The following GNPTAB variants were observed in gnomAD, a reference collection of about 807,000 sequenced individuals.
GNPTAB encodes N-acetylglucosamine-1-phosphate transferase subunits alpha and beta.
In GNPTAB, 92 loss-of-function variants were observed where a neutral mutation model predicts 136.6. That is an observed-to-expected ratio of 0.67 (90% CI 0.57 to 0.80). The LOEUF (loss-of-function observed/expected upper bound fraction) is 0.80, where lower values mean the gene tolerates loss of function less well. Among genes scored for constraint, GNPTAB ranks in the 30% least tolerant of loss-of-function variants. The pLI, the probability that GNPTAB is intolerant of heterozygous loss-of-function variation, is 0.00. For synonymous variants in GNPTAB, 512 were observed against 535.1 expected (o/e 0.96, Z 0.60); for missense variants, 1,343 against 1,501.8 (o/e 0.89, Z 1.75).
intron 1 of GNPTAB, chr12:101,810,420 TATACACACAC>T (rs1465011155): frequency 9.4e-6 from 1 of 106,554 alleles, no homozygotes; most frequent in South Asian, 2.9e-4. Flanking sequence ...TATATATATA[TATACACACAC>T]ATACACACAC....
chr12:101,810,730 T>A (rs1870184875), intron 1 of GNPTAB: 1 of 151,388 alleles, frequency 6.6e-6, no homozygotes, highest in African/African-American at 2.4e-5. Flanking sequence ...CTAAAAGTAT[T>A]ATTTAAAAAA....
chr12:101,747,151 A>C lies in GNPTAB; in HGVS notation c.*13T>G, dbSNP rs1349053717. On this transcript the variant is annotated 3_prime_UTR_variant, in exon 21 of 21. Transcript: ENST00000299314. Reference sequence around the variant, plus strand: ...GTAAATGCTGAGGTAGATGGTTTTCAAATGAAGATCTTCTATACTCTGATT... The same window carrying C: ...GTAAATGCTGAGGTAGATGGTTTTCCAATGAAGATCTTCTATACTCTGATT... The C allele has an allele frequency of 6.8e-7, 1 of 1,464,446 alleles. No individual in the cohort carries two copies. Among genetic ancestry groups the C allele is most frequent in the African/African-American group, 1.4e-5 (1 of 71,920 alleles). The allele number at this position is 1,464,446 out of a possible 1,614,324, so 90.7% of individuals were successfully genotyped here. A position where few individuals can be genotyped will look rare whatever the true frequency, so the allele number is the denominator to read the frequency against.
intron 7 of GNPTAB, among the ~76,000 whole-genome samples, chr12:101,773,980 C>T (rs1953222140): frequency 6.6e-6 from 1 of 152,180 alleles, no homozygotes; most frequent in South Asian, 2.1e-4. Context: ...TCCCTACAGA[C>T]CCACAGTGAA....
chr12:101,790,195 G>A (rs1868902646), intron 2 of GNPTAB, 138 bp from the exon 3 acceptor site: 2 of 1,168,434 alleles, frequency 1.7e-6, no homozygotes, highest in East Asian at 2.5e-5. Flanking sequence ...TATTATCACA[G>A]AACTGCATGT....
chr12:101,798,527 CA>C (rs1869429814), intron 1 of GNPTAB, among the ~76,000 whole-genome samples: 1 of 152,162 alleles, frequency 6.6e-6, no homozygotes, highest in Non-Finnish European at 1.5e-5. Flanking sequence ...AGAACTTACA[CA>C]AATCTATTAT....
chr12:101,829,298 A>C (rs1871253128), intron 1 of GNPTAB, among the ~76,000 whole-genome samples: 1 of 152,220 alleles, frequency 6.6e-6, no homozygotes, highest in Non-Finnish European at 1.5e-5. Context: ...CAGCCTGGCC[A>C]ACATAGTGAA....
chr12:101,783,882 T>C (rs917292880), intron 5 of GNPTAB, among the ~76,000 whole-genome samples: 1 of 151,834 alleles, frequency 6.6e-6, no homozygotes, highest in African/African-American at 2.4e-5. Context: ...GCCAGACTAA[T>C]TTTTGTTTTT....
intron 1 of GNPTAB, among the ~76,000 whole-genome samples, chr12:101,803,389 C>T (rs554597337): frequency 2.8e-4 from 42 of 152,304 alleles, no homozygotes; most frequent in African/African-American, 8.4e-4. Context: ...TTGCCAGCAG[C>T]ATTTCTAATC....
At chr12:101,826,969 T>C (rs1013405034) in intron 1 of GNPTAB, among the ~76,000 whole-genome samples, 14 of 142,228 alleles carry the variant, frequency 9.8e-5, no homozygotes, top group African/African-American at 3.7e-4. Flanking sequence ...TTTTTTTTTT[T>C]TTTTTTTTTG....
At chr12:101,767,472 T>C (rs377642974) in intron 11 of GNPTAB, among the ~76,000 whole-genome samples, 11 of 152,248 alleles carry the variant, frequency 7.2e-5, no homozygotes, top group East Asian at 3.8e-4. Context: ...GAGTGATTCT[T>C]GCTCTTGGAT....
rs1555277164 is a variant in GNPTAB at position 101,830,904 on chromosome 12, T to TGCGGACGGCGAG, written c.-230_-229insCTCGCCGTCCGC. ...GCCCTCGGCGCGGCGGAGGCGGACC[T>TGCGGACGGCGAG]GCGGCCGGCGAGGCGGCCGGCGCCG... On this transcript the variant is annotated 5_prime_UTR_variant, in exon 1 of 21. Coordinates refer to ENST00000299314, the MANE Select transcript of GNPTAB (RefSeq NM_024312.5). 25 of 146,106 alleles carry TGCGGACGGCGAG rather than the reference T, an allele frequency of 1.7e-4. 1 individual carries two copies. The highest frequency in any genetic ancestry group is 1.7e-3 in the Admixed American group (25 of 14,720). The allele number at this position is 146,106 out of a possible 1,614,324, so 9.1% of individuals were successfully genotyped here.
chr12:101,777,992 A>T (rs1451662819), intron 7 of GNPTAB, among the ~76,000 whole-genome samples: 1 of 152,234 alleles, frequency 6.6e-6, no homozygotes, highest in Non-Finnish European at 1.5e-5. Flanking sequence ...AAATCCAAAT[A>T]AATCTCTGAC....
chr12:101,816,058 A>G (rs1178888091), intron 1 of GNPTAB, among the ~76,000 whole-genome samples: 3 of 152,224 alleles, frequency 2.0e-5, no homozygotes, highest in Admixed American at 6.5e-5. Flanking sequence ...AAATGGATTA[A>G]AGACTTAAAT....
chr12:101,799,145 C>A (rs532907457), intron 1 of GNPTAB, among the ~76,000 whole-genome samples: 4 of 152,188 alleles, frequency 2.6e-5, no homozygotes, highest in East Asian at 1.9e-4. Flanking sequence ...ATTGAAAATG[C>A]GCTTTAACGT....
At chr12:101,758,096 T>C (rs1225022406) in intron 16 of GNPTAB, among the ~76,000 whole-genome samples, 1 of 150,696 alleles carries the variant, frequency 6.6e-6, no homozygotes, top group Admixed American at 6.6e-5. Flanking sequence ...TGGAGTGCAG[T>C]GGCGCGATCT....
chr12:101,830,496 G>T, intron 1 of GNPTAB, 63 bp downstream of exon 1: 1 of 870,750 alleles, frequency 1.1e-6, no homozygotes, highest in Non-Finnish European at 1.9e-6. Context: ...GGGGCATCGC[G>T]GGGCACGGCG....
chr12:101,789,397 T>A (rs912887033), intron 3 of GNPTAB, among the ~76,000 whole-genome samples: 1 of 152,184 alleles, frequency 6.6e-6, no homozygotes, highest in African/African-American at 2.4e-5. Context: ...AGGGGCAAGT[T>A]TGTTTGGATG....
Position 101,760,108 on chromosome 12 carries a change from G to A in GNPTAB, c.3171C>T (p.Cys1057=). Residue 1057 remains cysteine (C), a synonymous_variant, in exon 16 of 21, where the codon TGC becomes TGT. Transcript: ENST00000299314. The stretch of plus-strand genomic sequence containing the variant: ...TGATATCAGCAGGAAGCATTTTTGA[G>A]CAATTTATTAGCATGTGTTCCAGAC... ...LTGLEHMLIN[C]SKMLPADITQ... is the part of the protein sequence containing the mutation. 6.2e-7 allele frequency: 1 copy of A among 1,612,568 alleles called. No individual in the cohort carries two copies. The highest frequency in any genetic ancestry group is 8.5e-7 in the Non-Finnish European group (1 of 1,178,672).
intron 16 of GNPTAB, 28 bp downstream of exon 16, chr12:101,760,002 G>T: frequency 8.2e-7 from 1 of 1,224,078 alleles, no homozygotes; most frequent in Non-Finnish European, 1.2e-6. Context: ...ACTTTCTGTT[G>T]TACATAAAAG....
Sources: gnomAD v4.1 joint callset for allele counts (sites outside exome capture counted in the v4.1 genomes callset) on GRCh38, gnomAD v4.1.1 for gene constraint, MANE v1.5 for transcripts, NCBI Gene and HGNC (gene_info 2026-07-23, HGNC 2026-07-21) for gene names.